GKAP1: variants seen among roughly 807,000 people sequenced by gnomAD.
GKAP1 encodes the protein G kinase anchoring protein 1.
Under a neutral mutation model 56.7 loss-of-function variants are expected in GKAP1, and 31 were observed. The ratio of observed to expected loss-of-function variants is 0.55; its 90% CI spans 0.41 to 0.74. GKAP1 has a LOEUF of 0.74. Among genes scored for constraint, GKAP1 ranks in the 30% least tolerant of loss-of-function variants. GKAP1 has a pLI of 0.00. For synonymous variants in GKAP1, 151 were observed against 138.6 expected, an observed-to-expected ratio of 1.09 and a Z score of -0.63; for missense variants, 364 against 402.3, an observed-to-expected ratio of 0.90 and a Z score of 0.82.
intron 8 of GKAP1, among the ~76,000 whole-genome samples, chr9:83,768,068 G>T (rs1330114142): frequency 6.6e-6 from 1 of 152,154 alleles, no homozygotes; most frequent in Non-Finnish European, 1.5e-5. Context: ...CCACTGACCA[G>T]ATTTGATTCA....
chr9:83,812,301 ACG>A (rs1944520344), intron 2 of GKAP1, among the ~76,000 whole-genome samples: 1 of 147,878 alleles, frequency 6.8e-6, no homozygotes, highest in African/African-American at 2.5e-5. Context: ...GTATATATAT[ACG>A]TATACATATA....
intron 3 of GKAP1, among the ~76,000 whole-genome samples, chr9:83,801,433 A>G (rs576789323): frequency 6.6e-6 from 1 of 151,936 alleles, no homozygotes; most frequent in South Asian, 2.1e-4. Flanking sequence ...AGAAACTAAT[A>G]AAGAGGATTT....
intron 2 of GKAP1, among the ~76,000 whole-genome samples, chr9:83,806,841 A>C (rs1414851618): frequency 2.0e-5 from 3 of 152,320 alleles, no homozygotes; most frequent in African/African-American, 7.2e-5. Context: ...AATCATTCTG[A>C]AATATATACA....
intron 10 of GKAP1, among the ~76,000 whole-genome samples, chr9:83,747,266 C>A (rs1943310611): frequency 6.6e-6 from 1 of 152,122 alleles, no homozygotes; most frequent in Non-Finnish European, 1.5e-5. Context: ...ATTTGGCAGG[C>A]TTTTGTATAT....
intron 8 of GKAP1, among the ~76,000 whole-genome samples, chr9:83,759,151 C>T (rs1943527497): frequency 1.3e-5 from 2 of 152,176 alleles, no homozygotes. Context: ...CCTTTTCCCT[C>T]CTCTTCTGAG....
At chr9:83,797,644 AT>A (rs1265622918) in intron 4 of GKAP1, among the ~76,000 whole-genome samples, 1 of 152,226 alleles carries the variant, frequency 6.6e-6, no homozygotes, top group Non-Finnish European at 1.5e-5. Context: ...CTTCAACGGC[AT>A]CCTTATATAG....
At chr9:83,796,859 C>T (rs902031349) in intron 4 of GKAP1, among the ~76,000 whole-genome samples, 4 of 152,206 alleles carry the variant, frequency 2.6e-5, no homozygotes, top group African/African-American at 9.7e-5. Context: ...TCTTATATAA[C>T]ATTACTATCC....
chr9:83,798,599 C>G (rs1159549093), intron 4 of GKAP1, among the ~76,000 whole-genome samples: 1 of 152,180 alleles, frequency 6.6e-6, no homozygotes, highest in Non-Finnish European at 1.5e-5. Context: ...TCACTGCAGC[C>G]TCGACCTCCT....
chr9:83,788,724 A>C (rs749060891), intron 4 of GKAP1, 46 bp from the exon 5 acceptor site: 4 of 1,163,966 alleles, frequency 3.4e-6, no homozygotes, highest in Non-Finnish European at 3.8e-6. Context: ...TCATTACATC[A>C]CATGAGCAAA....
intron 7 of GKAP1, among the ~76,000 whole-genome samples, chr9:83,775,767 C>T (rs749097815): frequency 1.4e-4 from 21 of 147,696 alleles, no homozygotes; most frequent in Non-Finnish European, 2.7e-4. Flanking sequence ...CCCAGCTACT[C>T]GGGAAGCTGA....
At chr9:83,772,848 T>G (rs1943785774) in intron 7 of GKAP1, among the ~76,000 whole-genome samples, 1 of 152,168 alleles carries the variant, frequency 6.6e-6, no homozygotes, top group Non-Finnish European at 1.5e-5. Context: ...TCACCAGTTA[T>G]TAGGAACATG....
intron 7 of GKAP1, among the ~76,000 whole-genome samples, chr9:83,770,952 A>G (rs1420383783): frequency 6.6e-6 from 1 of 152,212 alleles, no homozygotes; most frequent in Non-Finnish European, 1.5e-5. Context: ...CTATCCAATT[A>G]TATATTAGAA....
intron 8 of GKAP1, among the ~76,000 whole-genome samples, chr9:83,763,248 T>C (rs1329019957): frequency 6.6e-6 from 1 of 152,066 alleles, no homozygotes; most frequent in African/African-American, 2.4e-5. Flanking sequence ...ACTGAACTAA[T>C]GGAGTTACAA....
intron 7 of GKAP1, among the ~76,000 whole-genome samples, chr9:83,771,233 TTTTGTTG>T (rs1943754612): frequency 8.4e-6 from 1 of 119,258 alleles, no homozygotes; most frequent in Non-Finnish European, 1.9e-5. Flanking sequence ...TGGCTAATTT[TTTTGTTG>T]TTTGTTTGTT....
intron 3 of GKAP1, among the ~76,000 whole-genome samples, chr9:83,804,356 A>T: frequency 9.9e-6 from 1 of 101,004 alleles, no homozygotes; most frequent in African/African-American, 4.2e-5. Context: ...TGGGGGGGTC[A>T]GCCCCCCGCC....
chr9:83,748,147 T>C (rs1164927823), intron 10 of GKAP1, among the ~76,000 whole-genome samples, 162 bp downstream of exon 10: 1 of 152,222 alleles, frequency 6.6e-6, no homozygotes, highest in Non-Finnish European at 1.5e-5. Context: ...CTTCAAATCT[T>C]TTCTTCTAGG....
chr9:83,806,005 T>C (rs1944434001), intron 3 of GKAP1, among the ~76,000 whole-genome samples: 1 of 152,016 alleles, frequency 6.6e-6, no homozygotes, highest in African/African-American at 2.4e-5. Flanking sequence ...TGGTCCCAGC[T>C]ACTTGGGAGG....
chr9:83,779,442 T>C (rs1437265123), intron 7 of GKAP1, among the ~76,000 whole-genome samples: 95 of 69,146 alleles, frequency 1.4e-3, no homozygotes, highest in East Asian at 4.4e-3. Context: ...TATATATATA[T>C]ATATATACAC....
At chr9:83,770,273 T>C (rs1238234673) in intron 7 of GKAP1, among the ~76,000 whole-genome samples, 2 of 152,172 alleles carry the variant, frequency 1.3e-5, no homozygotes, top group Non-Finnish European at 2.9e-5. Context: ...CTTCTAAAAG[T>C]TTTACAGATT....
Sources: allele counts gnomAD v4.1 joint callset (sites outside exome capture counted in the v4.1 genomes callset), GRCh38; gene constraint gnomAD v4.1.1; transcripts MANE v1.5; gene names NCBI Gene and HGNC (gene_info 2026-07-23, HGNC 2026-07-21).